The following PPARG variants were observed in gnomAD, a reference collection of about 807,000 sequenced individuals.
PPARG encodes the protein peroxisome proliferator-activated receptor gamma.
PPARG carries 17 observed loss-of-function variants against 39.2 expected under a neutral mutation model. The observed-to-expected ratio is 0.43, with a 90% CI of 0.30 to 0.65. PPARG has a LOEUF of 0.65. Ranked by LOEUF, PPARG falls within the 30% of genes least tolerant of loss-of-function variation. The pLI, the probability that PPARG is intolerant of heterozygous loss-of-function variation, is 0.13. For missense variants in PPARG, 406 were observed against 585.9 expected, an observed-to-expected ratio of 0.69 and a Z score of 3.17; for synonymous variants, 223 against 215.7, an observed-to-expected ratio of 1.03 and a Z score of -0.30.
intron 2 of PPARG, among the ~76,000 whole-genome samples, chr3:12,363,417 A>G (rs1018445109): frequency 5.3e-5 from 8 of 152,184 alleles, no homozygotes; most frequent in Admixed American, 2.6e-4. Context: ...TGTTTAGCTT[A>G]AGACCCTTGT....
intron 2 of PPARG, chr3:12,344,981 A>C (rs1423885185): frequency 2.0e-5 from 3 of 152,056 alleles, no homozygotes; most frequent in African/African-American, 7.2e-5. Flanking sequence ...CCACATTGAA[A>C]CCCTATTCAA....
chr3:12,407,151 TTTGTTG>T (rs577888550), intron 6 of PPARG, among the ~76,000 whole-genome samples: 2 of 151,558 alleles, frequency 1.3e-5, no homozygotes, highest in South Asian at 2.1e-4. Flanking sequence ...TGTACCTCAG[TTTGTTG>T]TTGTTGTTGT....
chr3:12,359,455 T>C (rs1044438106), intron 2 of PPARG, among the ~76,000 whole-genome samples: 1 of 152,104 alleles, frequency 6.6e-6, no homozygotes, highest in Non-Finnish European at 1.5e-5. Context: ...CCAACTTTAT[T>C]TAATTTAAAT....
chr3:12,418,784 A>G (rs1048502892), intron 7 of PPARG, among the ~76,000 whole-genome samples: 2 of 152,218 alleles, frequency 1.3e-5, no homozygotes, highest in East Asian at 1.9e-4. Context: ...ACTCTCTACC[A>G]TCACATCATG....
At chr3:12,401,765 C>T (rs533558015) in intron 5 of PPARG, among the ~76,000 whole-genome samples, 1 of 152,116 alleles carries the variant, frequency 6.6e-6, no homozygotes, top group Non-Finnish European at 1.5e-5. Flanking sequence ...GTTAAAATCA[C>T]CTATATAATT....
chr3:12,392,643 G>C lies in PPARG; in HGVS notation c.420G>C (p.Lys140Asn), dbSNP rs1214981971. 5.0e-6 allele frequency: 8 copies of C among 1,613,752 alleles called. No homozygotes were observed. Among genetic ancestry groups the C allele is most frequent in the Non-Finnish European group, 6.8e-6 (8 of 1,179,866 alleles). The change falls in exon 5 of 8, where the codon AAG becomes AAC. Residue 140 changes from lysine to asparagine, a missense_variant. This residue lies in a region of PPARG where 275 missense variants were observed against 458.0 expected (regional missense o/e 0.60). Coordinates refer to ENST00000651735, the MANE Select transcript of PPARG (RefSeq NM_138711.6). The part of the protein sequence containing the change: ...KGFFRRTIRL[K>N]LIYDRCDLNC... ...TCTTCCGGAGAACAATCAGATTGAA[G>C]CTTATCTATGACAGATGTGATCTTA... is the stretch of plus-strand genomic sequence containing the variant.
At chr3:12,400,714 T>C (rs182078665) in intron 5 of PPARG, among the ~76,000 whole-genome samples, 122 of 152,306 alleles carry the variant, frequency 8.0e-4, no homozygotes, top group African/African-American at 2.9e-3. Context: ...ACTAGACAAA[T>C]ACTGCTTTTA....
rs41415646 is a variant in PPARG, at chr3:12,392,640, G to A, written c.417G>A (p.Leu139=). 4.8e-5 allele frequency: 77 copies of A among 1,613,876 alleles called. 1 individual carries two copies. The highest frequency in any genetic ancestry group is 1.7e-4 in the Admixed American group (10 of 59,974). Residue 139 remains leucine, a synonymous_variant, in exon 5 of 8, where the codon TTG becomes TTA. Transcript: ENST00000651735. ...CKGFFRRTIR[L]KLIYDRCDLN... ...GTTTCTTCCGGAGAACAATCAGATT[G>A]AAGCTTATCTATGACAGATGTGATC...
chr3:12,390,989 A>C (rs1575103304), intron 4 of PPARG, among the ~76,000 whole-genome samples: 1 of 152,092 alleles, frequency 6.6e-6, no homozygotes, highest in East Asian at 1.9e-4. Flanking sequence ...CAAACCCAAA[A>C]TTGAGAATAA....
intron 1 of PPARG, among the ~76,000 whole-genome samples, chr3:12,309,710 C>G (rs2047173681): frequency 6.6e-6 from 1 of 152,128 alleles, no homozygotes; most frequent in Admixed American, 6.5e-5. Flanking sequence ...AATTATTTTT[C>G]TGTATCTTAA....
intron 7 of PPARG, among the ~76,000 whole-genome samples, chr3:12,418,375 T>C (rs1559533941): frequency 6.6e-6 from 1 of 152,216 alleles, no homozygotes; most frequent in Non-Finnish European, 1.5e-5. Context: ...AAGTGGACTT[T>C]AGGTGAGCTT....
intron 2 of PPARG, among the ~76,000 whole-genome samples, chr3:12,320,550 A>G (rs1168548523): frequency 6.6e-6 from 1 of 152,220 alleles, no homozygotes; most frequent in Admixed American, 6.5e-5. Context: ...AATATAGGCC[A>G]GACACAGTGG....
chr3:12,406,093 T>C lies in PPARG; in HGVS notation c.729+12T>C. 1.2e-6 allele frequency: 2 copies of C among 1,613,494 alleles called. No individual in the cohort carries two copies. The highest frequency in any genetic ancestry group is 1.7e-6 in the Non-Finnish European group (2 of 1,179,700). On this transcript the variant is annotated intron_variant, in intron 6 of 7. Transcript: ENST00000651735. ...CAACAGACAAATCAGTTAGTTCTCTTCTGCTGTCTTCATTGGGGGAGGCGG... is the reference window on the plus strand; with the variant it reads ...CAACAGACAAATCAGTTAGTTCTCTCCTGCTGTCTTCATTGGGGGAGGCGG...
chr3:12,315,602 T>C (rs2047367949), intron 2 of PPARG, among the ~76,000 whole-genome samples: 1 of 152,244 alleles, frequency 6.6e-6, no homozygotes, highest in South Asian at 2.1e-4. Context: ...CATTTGCAAA[T>C]CTTAGAACAG....
intron 6 of PPARG, among the ~76,000 whole-genome samples, chr3:12,408,410 C>A (rs2050750036): frequency 6.6e-6 from 1 of 151,882 alleles, no homozygotes; most frequent in Admixed American, 6.6e-5. Flanking sequence ...TTGGCCATAG[C>A]AAATCAAAAA....
At chr3:12,390,629 T>C (rs1294812940) in intron 4 of PPARG, among the ~76,000 whole-genome samples, 1 of 114,714 alleles carries the variant, frequency 8.7e-6, no homozygotes, top group Non-Finnish European at 1.7e-5. Flanking sequence ...TAAAGCTGTA[T>C]TTTCTTCCTT....
intron 5 of PPARG, among the ~76,000 whole-genome samples, chr3:12,400,622 G>A (rs890479033): frequency 6.6e-6 from 1 of 152,186 alleles, no homozygotes; most frequent in African/African-American, 2.4e-5. Context: ...GAAACTGCGT[G>A]CCAGTGTTCT....
chr3:12,302,234 T>G (rs2046945033), intron 1 of PPARG, among the ~76,000 whole-genome samples: 1 of 152,144 alleles, frequency 6.6e-6, no homozygotes, highest in Non-Finnish European at 1.5e-5. Flanking sequence ...CGAAAAATAC[T>G]AAAAACAATA....
chr3:12,298,771 C>T (rs950766532), intron 1 of PPARG, among the ~76,000 whole-genome samples: 16 of 152,078 alleles, frequency 1.1e-4, no homozygotes, highest in Non-Finnish European at 4.4e-5. Context: ...AAAAGAACCT[C>T]GATGTGATGA....
Sources: allele counts gnomAD v4.1 joint callset (sites outside exome capture counted in the v4.1 genomes callset), GRCh38; gene constraint gnomAD v4.1.1; regional missense constraint gnomAD v4.1.1; transcripts MANE v1.5; gene names NCBI Gene and HGNC (gene_info 2026-07-23, HGNC 2026-07-21).